The following GLCCI1 variants were observed in gnomAD, a reference collection of about 807,000 sequenced individuals.
GLCCI1 encodes glucocorticoid-induced transcript 1 protein.
Under a neutral mutation model 52.2 loss-of-function variants are expected in GLCCI1, and 24 were observed. That is an observed-to-expected ratio of 0.46 (90% CI 0.33 to 0.65). The LOEUF (loss-of-function observed/expected upper bound fraction) is 0.65, where lower values mean the gene tolerates loss of function less well. GLCCI1 is among the 30% of genes least tolerant of loss of function. The pLI is 0.02. For synonymous variants in GLCCI1, 310 were observed against 276.5 expected, an observed-to-expected ratio of 1.12 and a Z score of -1.20; for missense variants, 704 against 701.5, an observed-to-expected ratio of 1.00 and a Z score of -0.04.
chr7:8,049,383 T>C (rs1367434507), intron 3 of GLCCI1, among the ~76,000 whole-genome samples: 1 of 152,194 alleles, frequency 6.6e-6, no homozygotes, highest in Non-Finnish European at 1.5e-5. Context: ...ACCTACAAGA[T>C]AATAGTCTGA....
chr7:8,007,376 G>A (rs553738313), intron 2 of GLCCI1, among the ~76,000 whole-genome samples: 1 of 152,114 alleles, frequency 6.6e-6, no homozygotes, highest in Non-Finnish European at 1.5e-5. Context: ...TACGTAGTAC[G>A]TATTAAGCGT....
chr7:8,070,757 A>G (rs55746128), intron 5 of GLCCI1, 164 bp from the exon 6 acceptor site: 1 of 607,702 alleles, frequency 1.6e-6, no homozygotes, highest in African/African-American at 1.9e-5. Flanking sequence ...AATAAAGGTA[A>G]CATACGCAGA....
chr7:8,003,144 T>C (rs988483425), intron 1 of GLCCI1, among the ~76,000 whole-genome samples: 3 of 152,182 alleles, frequency 2.0e-5, no homozygotes, highest in African/African-American at 4.8e-5. Context: ...TTTAAACTTA[T>C]GTTGTGATGG....
At chr7:8,002,825 A>G (rs1407151404) in intron 1 of GLCCI1, among the ~76,000 whole-genome samples, 1 of 152,220 alleles carries the variant, frequency 6.6e-6, no homozygotes, top group African/African-American at 2.4e-5. Flanking sequence ...TTATCTGTGT[A>G]GATTTGGTGT....
intron 3 of GLCCI1, among the ~76,000 whole-genome samples, chr7:8,036,784 T>G (rs1363474629): frequency 1.3e-5 from 2 of 152,136 alleles, no homozygotes; most frequent in Non-Finnish European, 2.9e-5. Flanking sequence ...ACAAGTAGAC[T>G]AAACCAATGA....
chr7:8,078,000 C>T (rs1296358885), intron 6 of GLCCI1, among the ~76,000 whole-genome samples: 1 of 151,682 alleles, frequency 6.6e-6, no homozygotes. Flanking sequence ...TTTGGGAGGC[C>T]AAGGCAGGCG....
rs1223301726 is a variant in GLCCI1 at position 8,055,500 on chromosome 7, A to G, written c.764A>G (p.Asp255Gly). 1.2e-6 allele frequency: 2 copies of G among 1,613,856 alleles called. No individual in the cohort carries two copies. The highest frequency in any genetic ancestry group is 2.2e-5 in the East Asian group (1 of 44,878). Reference sequence around the variant, plus strand: ...AGTAGTCGTCACAGTAAGGAGAAAGATCGCCAGTCACCTCTTCATGGCAAC... The same window carrying G: ...AGTAGTCGTCACAGTAAGGAGAAAGGTCGCCAGTCACCTCTTCATGGCAAC... ...KQSSRHSKEKDRQSPLHGNHI... is the reference protein window; with the variant it reads ...KQSSRHSKEKGRQSPLHGNHI... Residue 255 changes from aspartate (D) to glycine (G), a missense_variant, in exon 4 of 8, where the codon GAT becomes GGT. Transcript: ENST00000223145.
intron 1 of GLCCI1, among the ~76,000 whole-genome samples, chr7:8,001,812 A>C (rs905102598): frequency 4.6e-5 from 7 of 152,362 alleles, no homozygotes; most frequent in Non-Finnish European, 8.8e-5. Flanking sequence ...AAGGATGTGG[A>C]TGAAGCTGGA....
chr7:8,057,501 A>T (rs1469044325), intron 4 of GLCCI1, among the ~76,000 whole-genome samples: 4 of 152,154 alleles, frequency 2.6e-5, no homozygotes, highest in African/African-American at 9.7e-5. Flanking sequence ...AAAAGGCAAC[A>T]TTATCGAAAC....
chr7:8,013,166 AT>A, intron 2 of GLCCI1, among the ~76,000 whole-genome samples: 1 of 152,052 alleles, frequency 6.6e-6, no homozygotes, highest in Non-Finnish European at 1.5e-5. Flanking sequence ...ATTGGGAAAG[AT>A]TTTTTCCACT....
At chr7:8,007,428 CT>C (rs199699782) in intron 2 of GLCCI1, among the ~76,000 whole-genome samples, 2 of 151,966 alleles carry the variant, frequency 1.3e-5, no homozygotes, top group Non-Finnish European at 2.9e-5. Context: ...AAAGCGTTTC[CT>C]TTTTTTTCTT....
intron 1 of GLCCI1, among the ~76,000 whole-genome samples, chr7:7,988,163 A>C (rs894629717): frequency 2.0e-5 from 3 of 152,060 alleles, no homozygotes; most frequent in Admixed American, 6.6e-5. Flanking sequence ...GCAGCACTGG[A>C]GTCTCTGTTG....
intron 3 of GLCCI1, among the ~76,000 whole-genome samples, chr7:8,044,994 C>T (rs1361245538): frequency 6.6e-6 from 1 of 152,036 alleles, no homozygotes; most frequent in Non-Finnish European, 1.5e-5. Flanking sequence ...TATAATGAAA[C>T]CACTTTTACC....
At chr7:8,022,679 C>A in intron 3 of GLCCI1, 110 bp downstream of exon 3, 1 of 495,266 alleles carries the variant, frequency 2.0e-6, no homozygotes, top group South Asian at 4.8e-5. Flanking sequence ...TTACCTCTTT[C>A]AGTAAGGTTA....
chr7:8,036,516 T>A (rs1192475140), intron 3 of GLCCI1, among the ~76,000 whole-genome samples: 2 of 152,048 alleles, frequency 1.3e-5, no homozygotes, highest in African/African-American at 4.8e-5. Flanking sequence ...TTACAACACC[T>A]CCAAAGGATC....
At chr7:8,002,911 A>C (rs1314812815) in intron 1 of GLCCI1, among the ~76,000 whole-genome samples, 2 of 152,198 alleles carry the variant, frequency 1.3e-5, no homozygotes, top group African/African-American at 4.8e-5. Context: ...TTGTTATGGC[A>C]GATTGATTGA....
At chr7:8,066,021 A>T (rs986486607) in intron 5 of GLCCI1, among the ~76,000 whole-genome samples, 3 of 152,122 alleles carry the variant, frequency 2.0e-5, no homozygotes, top group Non-Finnish European at 4.4e-5. Context: ...CTGTGGATCC[A>T]TGTGGTTCAG....
intron 1 of GLCCI1, among the ~76,000 whole-genome samples, chr7:7,987,836 G>A (rs113842285): frequency 1.3e-5 from 2 of 151,906 alleles, no homozygotes; most frequent in African/African-American, 2.4e-5. Flanking sequence ...TTATCCTTCC[G>A]CTTTGGCCTT....
At chr7:8,049,978 T>C (rs1326469518) in intron 3 of GLCCI1, among the ~76,000 whole-genome samples, 2 of 152,264 alleles carry the variant, frequency 1.3e-5, no homozygotes, top group Non-Finnish European at 1.5e-5. Flanking sequence ...TTGACAAATA[T>C]GGTTTATTAA....
Sources: allele counts gnomAD v4.1 joint callset (sites outside exome capture counted in the v4.1 genomes callset), GRCh38; gene constraint gnomAD v4.1.1; transcripts MANE v1.5; gene names NCBI Gene and HGNC (gene_info 2026-07-23, HGNC 2026-07-21).